Variants in COL27A1 observed in about 807,000 individuals in gnomAD.
The protein encoded by COL27A1 is collagen alpha-1(XXVII) chain.
COL27A1 carries 106 observed loss-of-function variants against 251.3 expected under a neutral mutation model. That is an observed-to-expected ratio of 0.42 (90% CI 0.36 to 0.50). The LOEUF (loss-of-function observed/expected upper bound fraction) is 0.50, where lower values mean the gene tolerates loss of function less well. Ranked by LOEUF, COL27A1 falls within the 20% of genes least tolerant of loss-of-function variation. COL27A1 has a pLI of 0.00. For synonymous variants in COL27A1, 1,000 were observed against 986.3 expected (o/e 1.01, Z -0.26); for missense variants, 2,325 against 2,522.8 (o/e 0.92, Z 1.68).
At chr9:114,156,359 T>C (rs936826252) in intron 1 of COL27A1, among the ~76,000 whole-genome samples, 4 of 150,132 alleles carry the variant, frequency 2.7e-5, no homozygotes, top group Non-Finnish European at 4.4e-5. Context: ...GAGGGGGGTC[T>C]CCGTTTGGGG....
Position 114,252,653 on chromosome 9 carries a change from A to C in COL27A1, c.3087+7A>C. The C allele has an allele frequency of 6.2e-7, 1 of 1,613,230 alleles. No homozygotes were observed. The highest frequency in any genetic ancestry group is 1.1e-5 in the South Asian group (1 of 91,066). On this transcript the variant is annotated splice_region_variant and intron_variant, in intron 26 of 60. Coordinates refer to ENST00000356083, the MANE Select transcript of COL27A1 (RefSeq NM_032888.4). ...TGGACCCAAGGGGTCGATGGTAAGG[A>C]GTAAGTCTGCATCCTCTTGCCCTCT...
intron 14 of COL27A1, among the ~76,000 whole-genome samples, chr9:114,224,747 G>T (rs969736034): frequency 1.7e-4 from 25 of 147,938 alleles, no homozygotes; most frequent in African/African-American, 5.0e-4. Context: ...CTGCCTCTTG[G>T]GCTCAAGTGA....
At chr9:114,193,531 G>T (rs1014417237) in intron 5 of COL27A1, among the ~76,000 whole-genome samples, 3 of 152,110 alleles carry the variant, frequency 2.0e-5, no homozygotes, top group African/African-American at 7.2e-5. Flanking sequence ...CACCAGTCAG[G>T]ATTATAATCT....
intron 38 of COL27A1, 40 bp downstream of exon 38, chr9:114,282,370 C>T: frequency 1.2e-6 from 2 of 1,612,172 alleles, no homozygotes; most frequent in Non-Finnish European, 8.5e-7. Context: ...TGCGTCCCTC[C>T]CCCGCATCCC....
At chr9:114,301,945 C>A in intron 55 of COL27A1, 137 bp from the exon 56 acceptor site, 1 of 999,764 alleles carries the variant, frequency 1.0e-6, no homozygotes, top group African/African-American at 1.6e-5. Context: ...CCACTGGGGC[C>A]CACCAAGCCT....
At chr9:114,288,618 C>T (rs938891173) in intron 42 of COL27A1, 84 bp from the exon 43 acceptor site, 90 of 1,554,408 alleles carry the variant, frequency 5.8e-5, no homozygotes, top group Middle Eastern at 1.7e-4. Flanking sequence ...CTGAGAGCTC[C>T]GCAGAGGTCG....
intron 37 of COL27A1, among the ~76,000 whole-genome samples, chr9:114,281,643 A>G (rs975331873): frequency 1.3e-5 from 2 of 152,242 alleles, no homozygotes; most frequent in African/African-American, 4.8e-5. Context: ...GTGACGCACA[A>G]CATCTCAGAG....
chr9:114,154,278 C>T (rs1237355090), upstream of COL27A1, among the ~76,000 whole-genome samples: 2 of 152,142 alleles, frequency 1.3e-5, no homozygotes, highest in East Asian at 3.9e-4. This position sits in a 1 kb window ranked among gnomAD's most constrained non-coding sequence, Gnocchi z 5.8. Flanking sequence ...TCGCCCCCCG[C>T]CCCCGCGCCC....
chr9:114,162,599 C>T (rs1035266915), intron 1 of COL27A1, 116 bp from the exon 2 acceptor site: 39 of 735,708 alleles, frequency 5.3e-5, no homozygotes, highest in Middle Eastern at 3.7e-4. Flanking sequence ...TCCTGCCTCC[C>T]GTGGGCAGGA....
intron 22 of COL27A1, 47 bp downstream of exon 22, chr9:114,242,278 C>T: frequency 6.5e-7 from 1 of 1,534,462 alleles, no homozygotes; most frequent in Non-Finnish European, 8.9e-7. Flanking sequence ...GGAGCTGAGC[C>T]AGCTGTGCAC....
In COL27A1 at chr9:114,288,469, G is replaced by A. The variant is rs374381398; in HGVS notation, c.4002G>A (p.Glu1334=). The A allele has an allele frequency of 6.2e-7, 1 of 1,610,350 alleles. No homozygotes were observed. The highest frequency in any genetic ancestry group is 1.1e-5 in the South Asian group (1 of 89,712). Residue 1334 remains glutamate, a synonymous_variant, in exon 42 of 61, where the codon GAG becomes GAA. Coordinates refer to ENST00000356083, the MANE Select transcript of COL27A1 (RefSeq NM_032888.4). ...TGTGTCCACAGGGGGAGCAGGGCGA[G>A]GACGGCAAGGCTGAGGGGCCCCCTG... ...GPKGEKGEQG[E]DGKAEGPPGP... is the part of the protein sequence containing the mutation.
chr9:114,250,280 C>A (rs544023478), intron 24 of COL27A1, among the ~76,000 whole-genome samples: 1 of 152,244 alleles, frequency 6.6e-6, no homozygotes, highest in Non-Finnish European at 1.5e-5. Flanking sequence ...ATGGCCTCTT[C>A]CCAGCTCAGC....
Position 114,205,124 on chromosome 9 carries a change from C to T in COL27A1, c.2147C>T (p.Pro716Leu), listed in dbSNP as rs769826481. The stretch of plus-strand genomic sequence containing the variant: ...CAGGGACACAAGGGCTATCCTGGAC[C>T]GGCAGGGCACCCCGGAGAACAGGTG... Reference protein sequence around the residue: ...GRKGHKGYPGPAGHPGEQGQP... With the variant: ...GRKGHKGYPGLAGHPGEQGQP... The change falls in exon 8 of 61, where the codon CCG becomes CTG. Residue 716 changes from proline to leucine, a missense_variant. Physicochemically the swap from Pro to Leu is moderately conservative, Grantham distance 98 (BLOSUM62 -3). Coordinates refer to ENST00000356083, the MANE Select transcript of COL27A1 (RefSeq NM_032888.4). 2.9e-5 allele frequency: 46 copies of T among 1,613,536 alleles called. No homozygotes were observed. The highest frequency in any genetic ancestry group is 1.6e-4 in the Middle Eastern group (1 of 6,078).
In COL27A1 at chr9:114,290,989, C is replaced by A. The variant is rs571359334; in HGVS notation, c.4476+72C>A. On this transcript the variant is annotated intron_variant, in intron 48 of 60. Coordinates refer to ENST00000356083, the MANE Select transcript of COL27A1 (RefSeq NM_032888.4). The surrounding 1 kb of genome is among the most constrained non-coding windows in gnomAD (Gnocchi z 4.6). ...TTGATGCAGACTCTAGTGGTTCCGA[C>A]CCTTTGGGCACCCATGTCCCAGGGC... is the stretch of plus-strand genomic sequence containing the variant. 873 of 1,145,174 alleles carry A rather than the reference C, an allele frequency of 7.6e-4. No individual in the cohort carries two copies. The highest frequency in any genetic ancestry group is 1.0e-3 in the Non-Finnish European group (812 of 802,630). The allele number at this position is 1,145,174 out of a possible 1,614,324, so 70.9% of individuals were successfully genotyped here. A position where few individuals can be genotyped will look rare whatever the true frequency, so the allele number is the denominator to read the frequency against.
At chr9:114,200,656 A>G (rs999816228) in intron 7 of COL27A1, among the ~76,000 whole-genome samples, 4 of 152,170 alleles carry the variant, frequency 2.6e-5, no homozygotes, top group African/African-American at 4.8e-5. Context: ...GAATCCTACA[A>G]TTTCTGAGCC....
At chr9:114,265,582 T>A in intron 32 of COL27A1, 107 bp downstream of exon 32, 1 of 1,106,108 alleles carries the variant, frequency 9.0e-7, no homozygotes, top group Non-Finnish European at 1.3e-6. Context: ...ATGCCTGGCC[T>A]CTAACCCGCT....
chr9:114,224,490 GAT>G (rs1831331089), intron 14 of COL27A1, among the ~76,000 whole-genome samples: 1 of 152,210 alleles, frequency 6.6e-6, no homozygotes, highest in African/African-American at 2.4e-5. Flanking sequence ...TTTCTGAAGG[GAT>G]GTTTACATAT....
Position 114,290,216 on chromosome 9 carries a change from C to A in COL27A1, c.4261-8C>A, listed in dbSNP as rs1827812277. The A allele has an allele frequency of 7.0e-7, 1 of 1,429,640 alleles. No homozygotes were observed. Among genetic ancestry groups the A allele is most frequent in the Middle Eastern group, 1.9e-4 (1 of 5,230 alleles). 88.6% of individuals were successfully genotyped at this position (1,429,640 alleles called of 1,614,324 possible). A position where few individuals can be genotyped will look rare whatever the true frequency, so the allele number is the denominator to read the frequency against. On this transcript the variant is annotated splice_polypyrimidine_tract_variant and splice_region_variant and intron_variant, in intron 46 of 60. Transcript: ENST00000356083. The surrounding 1 kb of genome is among the most constrained non-coding windows in gnomAD (Gnocchi z 4.6). ...AATGCCCTCACCAGCTTTTTATGTACCCCCCAGGGCCTGCAGGGGCTGCCA... is the reference window on the plus strand; with the variant it reads ...AATGCCCTCACCAGCTTTTTATGTAACCCCCAGGGCCTGCAGGGGCTGCCA...
At chr9:114,293,408 T>C (rs1828047502) in intron 49 of COL27A1, among the ~76,000 whole-genome samples, 1 of 152,162 alleles carries the variant, frequency 6.6e-6, no homozygotes, top group Non-Finnish European at 1.5e-5. Flanking sequence ...TTTATAGTAA[T>C]AACTTCTGTG....
Sources: gnomAD v4.1 joint callset for allele counts (sites outside exome capture counted in the v4.1 genomes callset) on GRCh38, gnomAD v4.1.1 for gene constraint, Gnocchi (gnomAD v3.1) non-coding constraint, MANE v1.5 for transcripts, NCBI Gene and HGNC (gene_info 2026-07-23, HGNC 2026-07-21) for gene names.